Variants in LRRTM4 observed in about 807,000 individuals in gnomAD.
LRRTM4 encodes leucine-rich repeat transmembrane neuronal protein 4.
LRRTM4 carries 25 observed loss-of-function variants against 47.6 expected under a neutral mutation model. That is an observed-to-expected ratio of 0.53 (90% confidence interval 0.38 to 0.73). The LOEUF is 0.73. Among genes scored for constraint, LRRTM4 ranks in the 30% least tolerant of loss-of-function variants. LRRTM4 has a pLI of 0.00. For missense variants in LRRTM4, 638 were observed against 713.4 expected (o/e 0.89, Z 1.20); for synonymous variants, 311 against 269.5 (o/e 1.15, Z -1.51).
chr2:76,973,781 C>T (rs56377276), intron 3 of LRRTM4, among the ~76,000 whole-genome samples: 18,531 of 151,752 alleles, frequency 0.12, 1,399 homozygotes, highest in Admixed American at 0.19. Context: ...AATAGAATAA[C>T]CAAAGTAGTG....
chr2:76,781,144 A>T (rs1229243664), intron 3 of LRRTM4, among the ~76,000 whole-genome samples: 2 of 152,260 alleles, frequency 1.3e-5, no homozygotes, highest in African/African-American at 2.4e-5. Context: ...GGAGAACCAC[A>T]GCTCTCTTCA....
At position 76,920,713 on chromosome 2, in the gene LRRTM4, T is replaced by A. The variant is rs545017579; in HGVS notation, c.1552-171797A>T. 2.6e-5 allele frequency among the ~76,000 whole-genome samples: 4 copies of A among 152,224 alleles called. No individual in the cohort carries two copies. The East Asian group carries it at 7.7e-4, about 29-fold the overall frequency. ...ACAGCAGTAAGTAAAATGTAGTGTA[T>A]AAAACAAAGCTCCCAGAACAACTTA... is the stretch of plus-strand genomic sequence containing the variant. On this transcript the variant is annotated intron_variant, in intron 3 of 3. Coordinates refer to ENST00000409884, the MANE Select transcript of LRRTM4 (RefSeq NM_001134745.3).
chr2:77,192,215 T>C (rs1239899343), intron 3 of LRRTM4, among the ~76,000 whole-genome samples: 1 of 152,140 alleles, frequency 6.6e-6, no homozygotes, highest in Admixed American at 6.5e-5. Flanking sequence ...CATATATTTA[T>C]GAATCTTTCC....
intron 3 of LRRTM4, among the ~76,000 whole-genome samples, chr2:76,757,984 C>A (rs1488886400): frequency 6.6e-6 from 1 of 152,108 alleles, no homozygotes; most frequent in Non-Finnish European, 1.5e-5. Flanking sequence ...AAGGTGTAAT[C>A]GGCATTACAG....
At chr2:77,145,203 A>ATGTGTG (rs575140760) in intron 3 of LRRTM4, among the ~76,000 whole-genome samples, 6 of 148,052 alleles carry the variant, frequency 4.1e-5, no homozygotes, top group African/African-American at 1.5e-4. Flanking sequence ...ACAGATATGT[A>ATGTGTG]TGTGTGTGTG....
intron 3 of LRRTM4, among the ~76,000 whole-genome samples, chr2:77,063,180 G>C (rs1004485209): frequency 1.3e-5 from 2 of 151,782 alleles, no homozygotes; most frequent in Admixed American, 6.6e-5. Context: ...GGCTGGTCTC[G>C]AACGCCTGAC....
chr2:77,151,785 TTTG>T (rs57816885), intron 3 of LRRTM4, among the ~76,000 whole-genome samples: 84,576 of 151,498 alleles, frequency 0.56, 24,649 homozygotes, highest in African/African-American at 0.75. Flanking sequence ...AAAGATCTTG[TTTG>T]TTGTTGTTGT....
chr2:77,055,958 C>T (rs1234724132), intron 3 of LRRTM4, among the ~76,000 whole-genome samples: 34 of 147,290 alleles, frequency 2.3e-4, no homozygotes, highest in Middle Eastern at 3.5e-3. Context: ...CCAAACACCG[C>T]ATATTCTCAC....
intron 3 of LRRTM4, among the ~76,000 whole-genome samples, chr2:77,020,822 C>T (rs999608257): frequency 6.6e-6 from 1 of 152,084 alleles, no homozygotes; most frequent in African/African-American, 2.4e-5. Flanking sequence ...ATTCCATGTC[C>T]AAGGAACAGA....
At chr2:77,136,625 A>G (rs995521115) in intron 3 of LRRTM4, among the ~76,000 whole-genome samples, 1 of 152,232 alleles carries the variant, frequency 6.6e-6, no homozygotes, top group Non-Finnish European at 1.5e-5. Context: ...AGCTGGATAG[A>G]GAATGACTTT....
chr2:76,772,321 T>C (rs1673747691), intron 3 of LRRTM4, among the ~76,000 whole-genome samples: 1 of 152,144 alleles, frequency 6.6e-6, no homozygotes. Context: ...GAAATAATTT[T>C]TTTTAATTAA....
At chr2:77,084,357 T>A (rs549359977) in intron 3 of LRRTM4, among the ~76,000 whole-genome samples, 1 of 152,250 alleles carries the variant, frequency 6.6e-6, no homozygotes, top group South Asian at 2.1e-4. Context: ...TGAGATGCAA[T>A]CAGCCTACGT....
intron 3 of LRRTM4, among the ~76,000 whole-genome samples, chr2:77,128,395 C>CAGATAGATAGATAGAT (rs59399563): frequency 0.11 from 17,225 of 150,458 alleles, 1,309 homozygotes; most frequent in African/African-American, 0.22. Context: ...AATTCTGTAA[C>CAGATAGATAGATAGAT]AGATAGATAG....
intron 3 of LRRTM4, among the ~76,000 whole-genome samples, chr2:77,171,858 A>G (rs1304781137): frequency 6.6e-6 from 1 of 152,118 alleles, no homozygotes; most frequent in Non-Finnish European, 1.5e-5. Flanking sequence ...AGGCCACTCT[A>G]GATATTCCAA....
chr2:76,974,738 T>C (rs1370508417), intron 3 of LRRTM4, among the ~76,000 whole-genome samples: 2 of 151,722 alleles, frequency 1.3e-5, no homozygotes, highest in Non-Finnish European at 3.0e-5. Context: ...GACATACTAT[T>C]ATAAATTTAA....
intron 3 of LRRTM4, among the ~76,000 whole-genome samples, chr2:76,964,765 T>A: frequency 6.8e-6 from 1 of 147,802 alleles, no homozygotes; most frequent in Non-Finnish European, 1.5e-5. Flanking sequence ...AATGTGAAAA[T>A]GGGAAAACAG....
intron 3 of LRRTM4, among the ~76,000 whole-genome samples, chr2:77,191,249 T>C (rs1436480021): frequency 1.3e-5 from 2 of 152,034 alleles, no homozygotes; most frequent in African/African-American, 4.8e-5. Context: ...AAGTGTTTCT[T>C]TCAAAACACA....
chr2:76,862,672 T>A (rs939610953), intron 3 of LRRTM4, among the ~76,000 whole-genome samples: 7 of 152,178 alleles, frequency 4.6e-5, no homozygotes, highest in Admixed American at 1.3e-4. Flanking sequence ...GTGATATGCA[T>A]AAAATAAGGC....
chr2:77,422,689 T>C (rs1425682492), intron 3 of LRRTM4, among the ~76,000 whole-genome samples: 1 of 152,182 alleles, frequency 6.6e-6, no homozygotes, highest in Non-Finnish European at 1.5e-5. Flanking sequence ...ATAGAGTTTA[T>C]TTAGTGTTTA....
Sources: allele counts gnomAD v4.1 joint callset (sites outside exome capture counted in the v4.1 genomes callset), GRCh38; gene constraint gnomAD v4.1.1; transcripts MANE v1.5; gene names NCBI Gene and HGNC (gene_info 2026-07-23, HGNC 2026-07-21).